The following FRS3 variants were observed in gnomAD, a reference collection of about 807,000 sequenced individuals.
FRS3 encodes the protein fibroblast growth factor receptor substrate 3, also known as FGFR substrate 3.
FRS3 carries 17 observed loss-of-function variants against 41.9 expected under a neutral mutation model. The ratio of observed to expected loss-of-function variants is 0.41; its 90% CI spans 0.28 to 0.61. FRS3 has a LOEUF of 0.61. Ranked by LOEUF, FRS3 falls within the 20% of genes least tolerant of loss-of-function variation. The pLI is 0.36. For synonymous variants in FRS3, 287 were observed against 274.5 expected (o/e 1.05, Z -0.45); for missense variants, 619 against 672.1 (o/e 0.92, Z 0.87).
At position 41,775,645 on chromosome 6, in the gene FRS3, A is replaced by G. The variant is rs750274948; in HGVS notation, c.67-40T>C. On this transcript the variant is annotated intron_variant, in intron 3 of 6. Transcript: ENST00000373018. ...ACAGAAGGGTCAATGAGTGAGTCCAACAAGTGTTTGCATGGGTCCCTGAGC... is the reference window on the plus strand; with the variant it reads ...ACAGAAGGGTCAATGAGTGAGTCCAGCAAGTGTTTGCATGGGTCCCTGAGC... The G allele has an allele frequency of 8.5e-6, 13 of 1,520,762 alleles. No homozygotes were observed. The East Asian group carries it at 1.1e-4, about 13-fold the overall frequency. The allele number at this position is 1,520,762 out of a possible 1,614,324, so 94.2% of individuals were successfully genotyped here.
At chr6:41,773,876 A>G (rs1772358346) in intron 4 of FRS3, among the ~76,000 whole-genome samples, 1 of 152,084 alleles carries the variant, frequency 6.6e-6, no homozygotes, top group Non-Finnish European at 1.5e-5. Flanking sequence ...TGTCTCAAAA[A>G]AAAAGAAAAA....
chr6:41,773,383 C>T (rs1404688511), intron 4 of FRS3, among the ~76,000 whole-genome samples: 1 of 151,270 alleles, frequency 6.6e-6, no homozygotes, highest in Non-Finnish European at 1.5e-5. Flanking sequence ...GGATTACAGG[C>T]GTGAGCCACC....
intron 4 of FRS3, 78 bp from the exon 5 acceptor site, chr6:41,773,037 A>G: frequency 8.1e-7 from 1 of 1,227,744 alleles, no homozygotes; most frequent in Non-Finnish European, 1.2e-6. Context: ...AATGTGCAGG[A>G]AATGTCCCTC....
chr6:41,775,955 G>A (rs111924275), intron 3 of FRS3, among the ~76,000 whole-genome samples: 12 of 152,188 alleles, frequency 7.9e-5, no homozygotes, highest in African/African-American at 2.9e-4. Flanking sequence ...TGGGGAAGGG[G>A]TTCAATTGTA....
intron 4 of FRS3, among the ~76,000 whole-genome samples, chr6:41,774,937 C>G (rs1279677025): frequency 6.6e-6 from 1 of 151,414 alleles, no homozygotes; most frequent in Non-Finnish European, 1.5e-5. Context: ...TCAAACATCA[C>G]TAGGAGCAAG....
At chr6:41,776,264 T>A (rs551984655) in intron 3 of FRS3, among the ~76,000 whole-genome samples, 12 of 152,292 alleles carry the variant, frequency 7.9e-5, no homozygotes, top group African/African-American at 2.2e-4. Context: ...TTAATTTATT[T>A]ATTTATTTAT....
At chr6:41,778,692 G>A (rs1772460716) in intron 1 of FRS3, among the ~76,000 whole-genome samples, 1 of 152,132 alleles carries the variant, frequency 6.6e-6, no homozygotes, top group African/African-American at 2.4e-5. Context: ...GGAGCTTCTA[G>A]CTTAAATAAC....
At chr6:41,774,186 T>C (rs1772365251) in intron 4 of FRS3, among the ~76,000 whole-genome samples, 1 of 152,098 alleles carries the variant, frequency 6.6e-6, no homozygotes, top group Non-Finnish European at 1.5e-5. Context: ...CCTGACCTCG[T>C]GATCCGCCCA....
Position 41,770,234 on chromosome 6 carries a change from A to C in FRS3, c.*385T>G, listed in dbSNP as rs1225413042. The C allele has an allele frequency of 6.1e-6, 1 of 164,140 alleles. No individual in the cohort carries two copies. 10.2% of individuals were successfully genotyped at this position (164,140 alleles called of 1,614,324 possible). On this transcript the variant is annotated 3_prime_UTR_variant, in exon 7 of 7. Transcript: ENST00000373018. ...ATGTTAAATTACATTTAAAACAATA[A>C]ATAGAAAAATAAACTGATAAATAAA...
chr6:41,778,779 G>T (rs1273602953), intron 1 of FRS3, among the ~76,000 whole-genome samples: 1 of 152,096 alleles, frequency 6.6e-6, no homozygotes, highest in Non-Finnish European at 1.5e-5. Context: ...CTTCAATTTC[G>T]CATTTGGAAG....
chr6:41,778,806 C>T (rs1772463222), intron 1 of FRS3, among the ~76,000 whole-genome samples: 1 of 152,184 alleles, frequency 6.6e-6, no homozygotes, highest in Non-Finnish European at 1.5e-5. Context: ...AGATTTTCTG[C>T]TCCCCAAGCT....
chr6:41,772,340 G>C (rs561972936), intron 5 of FRS3, among the ~76,000 whole-genome samples: 2 of 152,282 alleles, frequency 1.3e-5, no homozygotes, highest in Non-Finnish European at 2.9e-5. Flanking sequence ...TCCCCCATGG[G>C]CCAGTCCAAG....
chr6:41,779,462 ATGG>A (rs1244510436), intron 1 of FRS3, among the ~76,000 whole-genome samples: 3 of 151,954 alleles, frequency 2.0e-5, no homozygotes, highest in Admixed American at 6.6e-5. Flanking sequence ...TCCAAGAGAA[ATGG>A]TGGGTCCGTG....
chr6:41,774,408 G>A (rs1013434643), intron 4 of FRS3, among the ~76,000 whole-genome samples: 17 of 152,178 alleles, frequency 1.1e-4, no homozygotes, highest in African/African-American at 3.6e-4. Context: ...TTAGCCCAGT[G>A]TGTGGCCAGA....
In FRS3 at chr6:41,770,963, C is replaced by T. The variant is rs768943329; in HGVS notation, c.1135G>A (p.Ala379Thr). The change falls in exon 7 of 7, where the codon GCC becomes ACC. Residue 379 changes from alanine to threonine, a missense_variant. By Grantham distance (58) the Ala-to-Thr change is moderately conservative (BLOSUM62 0). Transcript: ENST00000373018. ...PLQKPTSTRAAIRSHGSFPVP... is the reference protein window; with the variant it reads ...PLQKPTSTRATIRSHGSFPVP... ...GGAAAGCTGCCGTGGCTGCGGATGG[C>T]GGCCCGGGTGCTGGTGGGCTTCTGC... 2.5e-5 allele frequency: 41 copies of T among 1,612,830 alleles called. No individual in the cohort carries two copies. The highest frequency in any genetic ancestry group is 2.5e-4 in the East Asian group (11 of 44,864).
chr6:41,779,591 A>G lies in FRS3; in HGVS notation c.-168+225T>C, dbSNP rs1420157185. Among the ~76,000 whole-genome samples, 7 of 151,868 alleles carry G rather than the reference A, an allele frequency of 4.6e-5. No individual in the cohort carries two copies. In the East Asian group the frequency reaches 1.4e-3, roughly 29 times the overall value. The stretch of plus-strand genomic sequence containing the variant: ...GGTTGGGGGAGCCAGAGGCTGCAGG[A>G]CAGGCTACAGGACTGTCAAGGGGAA... On this transcript the variant is annotated intron_variant, in intron 1 of 6. Coordinates refer to ENST00000373018, the MANE Select transcript of FRS3 (RefSeq NM_006653.5).
intron 4 of FRS3, among the ~76,000 whole-genome samples, chr6:41,773,728 C>T (rs1255518158): frequency 6.6e-6 from 1 of 151,368 alleles, no homozygotes; most frequent in Non-Finnish European, 1.5e-5. Context: ...AAAAATTAGC[C>T]AGGCGTGGTG....
At position 41,776,952 on chromosome 6, in the gene FRS3, G is replaced by A. The variant is rs752645298; in HGVS notation, c.36C>T (p.Ser12=). The A allele has an allele frequency of 3.1e-6, 5 of 1,614,090 alleles. No homozygotes were observed. Among genetic ancestry groups the A allele is most frequent in the South Asian group, 2.2e-5 (2 of 91,068 alleles). Residue 12 remains serine, a synonymous_variant, in exon 3 of 7, where the codon AGC becomes AGT. Transcript: ENST00000373018. The part of the protein sequence containing the change: ...GSCCSCLNRD[S]VPDNHPTKFK... The stretch of plus-strand genomic sequence containing the variant: ...ACTTGGTGGGGTGGTTGTCTGGAAC[G>A]CTGTCTCTGTTCAGGCAGCTGCAGC...
At position 41,772,969 on chromosome 6, in the gene FRS3, G is replaced by A. The variant is rs778948950; in HGVS notation, c.254-10C>T. ...TTAAATGCAAATATTCCTGGAGAAG[G>A]AGAGGAAGAAATGACCCTAGGCAAT... is the stretch of plus-strand genomic sequence containing the variant. On this transcript the variant is annotated splice_polypyrimidine_tract_variant and intron_variant, in intron 4 of 6. Coordinates refer to ENST00000373018, the MANE Select transcript of FRS3 (RefSeq NM_006653.5). 52 of 1,613,410 alleles carry A rather than the reference G, an allele frequency of 3.2e-5. No individual in the cohort carries two copies. The highest frequency in any genetic ancestry group is 4.2e-5 in the Non-Finnish European group (49 of 1,179,566).
Sources: allele counts gnomAD v4.1 joint callset (sites outside exome capture counted in the v4.1 genomes callset), GRCh38; gene constraint gnomAD v4.1.1; transcripts MANE v1.5; gene names NCBI Gene and HGNC (gene_info 2026-07-23, HGNC 2026-07-21).